The following NAA38 variants were observed in gnomAD, a reference collection of about 807,000 sequenced individuals.
NAA38 encodes N-alpha-acetyltransferase 38, NatC auxiliary subunit, also known as LSM domain containing 1.
NAA38 carries 15 observed loss-of-function variants against 12.6 expected under a neutral mutation model. The observed-to-expected ratio is 1.19, with a 90% CI of 0.79 to 1.83. The LOEUF is 1.83. Among genes scored for constraint, NAA38 ranks in the 40% most tolerant of loss-of-function variants. The probability of loss-of-function intolerance (pLI) is 0.00; values close to 1 mark genes in which losing one functional copy is unlikely to be tolerated. For synonymous variants in NAA38, 88 were observed against 69.9 expected (o/e 1.26, Z -1.29); for missense variants, 183 against 171.7 (o/e 1.07, Z -0.37).
At chr17:7,882,765 G>A (rs986198508) in intron 2 of NAA38, among the ~76,000 whole-genome samples, 7 of 152,132 alleles carry the variant, frequency 4.6e-5, no homozygotes, top group Non-Finnish European at 8.8e-5. Context: ...GAACATTTTA[G>A]CTTCATAAAC....
upstream of NAA38, chr17:7,858,260 G>A: frequency 6.2e-7 from 1 of 1,614,038 alleles, no homozygotes; most frequent in Non-Finnish European, 8.5e-7. Context: ...TGGGACGCGT[G>A]TACGACCTAA....
At chr17:7,856,951 G>C (rs2078823004) in intron 2 of NAA38, 64 bp downstream of exon 2, 1 of 1,587,792 alleles carries the variant, frequency 6.3e-7, no homozygotes, top group African/African-American at 1.3e-5. Context: ...GGCCCTTAAG[G>C]GGAAATGCCT....
chr17:7,878,541 G>A (rs1166091820), intron 2 of NAA38, among the ~76,000 whole-genome samples: 1 of 152,026 alleles, frequency 6.6e-6, no homozygotes, highest in Admixed American at 6.6e-5. Context: ...GGCCAACATG[G>A]TAAAACCCCG....
rs1477439734 is a variant in NAA38 at position 7,885,071 on chromosome 17, C to T, written c.-167+94G>A. 4.0e-6 allele frequency: 4 copies of T among 987,802 alleles called. No homozygotes were observed. The African/African-American group carries it at 7.1e-5, about 18-fold the overall frequency. The allele number at this position is 987,802 out of a possible 1,614,324, so 61.2% of individuals were successfully genotyped here. A position where few individuals can be genotyped will look rare whatever the true frequency, so the allele number is the denominator to read the frequency against. On this transcript the variant is annotated intron_variant, in intron 1 of 4. Transcript: ENST00000576861. ...GCCACCGCTGCCCCCGCCGCCGCCG[C>T]CCCCGCCGCCAGGTAAGCGCCCGCC...
chr17:7,884,271 C>T (rs1400943091), intron 1 of NAA38, among the ~76,000 whole-genome samples: 1 of 149,018 alleles, frequency 6.7e-6, no homozygotes, highest in Admixed American at 6.7e-5. Context: ...GGATTTTCCC[C>T]CCTCTCCCTT....
chr17:7,884,936 G>A, intron 1 of NAA38: 2 of 1,404,436 alleles, frequency 1.4e-6, no homozygotes, highest in Middle Eastern at 2.6e-4. Flanking sequence ...CGAGGACGAT[G>A]AGGAGGACGA....
At chr17:7,867,470 C>T (rs1010291348) in intron 2 of NAA38, among the ~76,000 whole-genome samples, 1 of 152,098 alleles carries the variant, frequency 6.6e-6, no homozygotes, top group Non-Finnish European at 1.5e-5. Flanking sequence ...TCCCGAGTAG[C>T]TGGGATTACA....
chr17:7,873,609 C>T (rs1312310743), intron 2 of NAA38, among the ~76,000 whole-genome samples: 1 of 151,962 alleles, frequency 6.6e-6, no homozygotes, highest in African/African-American at 2.4e-5. Flanking sequence ...CAAGTGGAAT[C>T]GGAAATAAAG....
At chr17:7,858,300 G>A (rs1158050275), upstream of NAA38, 1 of 1,613,986 alleles carries the variant, frequency 6.2e-7, no homozygotes, top group Admixed American at 1.7e-5. Flanking sequence ...CAAGGGTAAG[G>A]GCCACACGTT....
upstream of NAA38, chr17:7,858,890 C>A (rs2078859419): frequency 7.2e-7 from 1 of 1,385,578 alleles, no homozygotes. Context: ...CCAGGCCGAT[C>A]TTCAGGGCAA....
At position 7,884,071 on chromosome 17, in the gene NAA38, A is replaced by AACACACACAC. The variant is rs149257134; in HGVS notation, c.-166-746_-166-737dup. 4.6e-3 allele frequency among the ~76,000 whole-genome samples: 681 copies of AACACACACAC among 148,650 alleles called. 4 individuals are homozygous for AACACACACAC. The highest frequency in any genetic ancestry group is 0.015 in the African/African-American group (613 of 40,252). On this transcript the variant is annotated intron_variant, in intron 1 of 4. Transcript: ENST00000576861. ...ATGCAGAAATCCTTCATGCCCCCCC[A>AACACACACAC]ACACACACACACACACACACACACT...
At chr17:7,865,565 G>A (rs1477664105) in intron 3 of NAA38, 3 of 152,174 alleles carry the variant, frequency 2.0e-5, no homozygotes, top group Non-Finnish European at 4.4e-5. Flanking sequence ...ACACAGGGCA[G>A]TTTGGGCTTC....
At chr17:7,873,540 A>G (rs1363657783) in intron 2 of NAA38, among the ~76,000 whole-genome samples, 1 of 152,188 alleles carries the variant, frequency 6.6e-6, no homozygotes, top group African/African-American at 2.4e-5. Flanking sequence ...AAAGGGGTCC[A>G]GAGTATTTCT....
intron 2 of NAA38, among the ~76,000 whole-genome samples, chr17:7,872,624 G>A (rs1198578964): frequency 6.6e-6 from 1 of 152,228 alleles, no homozygotes; most frequent in Non-Finnish European, 1.5e-5. Flanking sequence ...GCCTCGCAAA[G>A]TGCTGGGATT....
chr17:7,884,135 T>C (rs1462878991), intron 1 of NAA38, among the ~76,000 whole-genome samples: 2 of 151,476 alleles, frequency 1.3e-5, no homozygotes, highest in Admixed American at 6.6e-5. Flanking sequence ...ATCTGTGCAC[T>C]AATCAGTTAT....
At chr17:7,866,125 T>A (rs538868370) in intron 3 of NAA38, 5 of 166,098 alleles carry the variant, frequency 3.0e-5, no homozygotes, top group South Asian at 2.1e-4. Flanking sequence ...CTCGCTCTGT[T>A]GCCCAGGCTG....
chr17:7,881,517 T>A (rs1967272066), intron 2 of NAA38, among the ~76,000 whole-genome samples: 1 of 150,784 alleles, frequency 6.6e-6, no homozygotes, highest in African/African-American at 2.4e-5. Context: ...GGCAAAGGGG[T>A]TACTGAGAGG....
chr17:7,882,123 C>G (rs1005165235), intron 2 of NAA38, among the ~76,000 whole-genome samples: 3 of 152,134 alleles, frequency 2.0e-5, no homozygotes, highest in African/African-American at 7.2e-5. Context: ...GCAAAGCACA[C>G]TCAAGAGAGA....
chr17:7,879,406 T>C (rs1967230490), intron 2 of NAA38, among the ~76,000 whole-genome samples: 1 of 152,202 alleles, frequency 6.6e-6, no homozygotes, highest in Admixed American at 6.5e-5. Flanking sequence ...CTTCAGGGTA[T>C]TCGTAACACC....
Sources: gnomAD v4.1 joint callset for allele counts (sites outside exome capture counted in the v4.1 genomes callset) on GRCh38, gnomAD v4.1.1 for gene constraint, MANE v1.5 for transcripts, NCBI Gene and HGNC (gene_info 2026-07-23, HGNC 2026-07-21) for gene names.